The following SPOCK3 variants were observed in gnomAD, a reference collection of about 807,000 sequenced individuals.
The protein encoded by SPOCK3 is testican-3.
Under a neutral mutation model 56.6 loss-of-function variants are expected in SPOCK3, and 30 were observed. That is an observed-to-expected ratio of 0.53 (90% confidence interval 0.40 to 0.72). The LOEUF is 0.72. Ranked by LOEUF, SPOCK3 falls within the 30% of genes least tolerant of loss-of-function variation. The probability of loss-of-function intolerance (pLI) is 0.00; values close to 1 mark genes in which losing one functional copy is unlikely to be tolerated. For synonymous variants in SPOCK3, 196 were observed against 183.3 expected (o/e 1.07, Z -0.56); for missense variants, 527 against 530.0 (o/e 0.99, Z 0.06).
chr4:167,020,251 C>T (rs1751043087), intron 3 of SPOCK3, among the ~76,000 whole-genome samples: 1 of 152,058 alleles, frequency 6.6e-6, no homozygotes, highest in Admixed American at 6.6e-5. Flanking sequence ...AGTAATAAAA[C>T]ATTTTGTAAA....
At chr4:166,965,809 G>A (rs1744676162) in intron 4 of SPOCK3, among the ~76,000 whole-genome samples, 2 of 151,856 alleles carry the variant, frequency 1.3e-5, no homozygotes, top group African/African-American at 4.8e-5. Flanking sequence ...CCACTAGAGC[G>A]GTACATTTAT....
intron 6 of SPOCK3, among the ~76,000 whole-genome samples, chr4:166,800,874 G>C (rs1579267321): frequency 6.6e-6 from 1 of 152,086 alleles, no homozygotes; most frequent in East Asian, 1.9e-4. Flanking sequence ...CACTCACTCA[G>C]TGACACCCAG....
At chr4:166,786,955 A>T (rs190468650) in intron 7 of SPOCK3, among the ~76,000 whole-genome samples, 2 of 152,290 alleles carry the variant, frequency 1.3e-5, no homozygotes, top group African/African-American at 4.8e-5. Context: ...ACATGTTAGC[A>T]TCCTTTCTGC....
intron 4 of SPOCK3, among the ~76,000 whole-genome samples, chr4:166,938,469 T>TA (rs1031505616): frequency 2.5e-4 from 38 of 151,926 alleles, no homozygotes; most frequent in East Asian, 3.9e-4. Flanking sequence ...ATCAATCTGG[T>TA]AAAAAAAATG....
chr4:166,947,624 T>A, intron 4 of SPOCK3, among the ~76,000 whole-genome samples: 1 of 152,174 alleles, frequency 6.6e-6, no homozygotes, highest in Non-Finnish European at 1.5e-5. Context: ...TTTTTCCTGA[T>A]AAAACTCACC....
intron 7 of SPOCK3, among the ~76,000 whole-genome samples, chr4:166,767,484 T>G (rs1214275973): frequency 6.6e-6 from 1 of 152,138 alleles, no homozygotes; most frequent in Non-Finnish European, 1.5e-5. Flanking sequence ...TCAGTTTCCA[T>G]GTAGTTGAGT....
At chr4:166,862,312 A>G (rs1431665603) in intron 6 of SPOCK3, among the ~76,000 whole-genome samples, 1 of 151,890 alleles carries the variant, frequency 6.6e-6, no homozygotes, top group Non-Finnish European at 1.5e-5. Flanking sequence ...AGTCTTGGAA[A>G]GAAAAAAAAA....
At chr4:167,010,519 C>CAA (rs11408189) in intron 3 of SPOCK3, among the ~76,000 whole-genome samples, 1,186 of 109,296 alleles carry the variant, frequency 0.011, 23 homozygotes, top group South Asian at 0.032. Context: ...GACTCTGTCT[C>CAA]AAAAAAAAAA....
At chr4:167,222,999 AAT>A (rs1318672510) in intron 2 of SPOCK3, among the ~76,000 whole-genome samples, 3 of 126,122 alleles carry the variant, frequency 2.4e-5, no homozygotes, top group African/African-American at 3.1e-5. Context: ...TTTATATATG[AAT>A]ATATATTTTA....
Position 166,754,511 on chromosome 4 carries a change from G to T in SPOCK3, c.928C>A (p.Gln310Lys). The T allele has an allele frequency of 6.2e-7, 1 of 1,611,716 alleles. No individual in the cohort carries two copies. The highest frequency in any genetic ancestry group is 8.5e-7 in the Non-Finnish European group (1 of 1,178,636). ...CTGTAAGGGTCTCATCTTTTACCTTGCTGTCTCTGGAAGCAGTAGCACCAC... is the reference window on the plus strand; with the variant it reads ...CTGTAAGGGTCTCATCTTTTACCTTTCTGTCTCTGGAAGCAGTAGCACCAC... ...NEWCYCFQRQ[Q>K]DPPCQTELSN... The change falls in exon 8 of 11, where the codon CAA becomes AAA. Residue 310 changes from glutamine (Q) to lysine (K), a missense_variant. By Grantham distance (53) the Gln-to-Lys change is moderately conservative. Transcript: ENST00000357545.
At chr4:166,827,622 C>A (rs1745612522) in intron 6 of SPOCK3, among the ~76,000 whole-genome samples, 1 of 151,992 alleles carries the variant, frequency 6.6e-6, no homozygotes, top group Admixed American at 6.6e-5. Context: ...ACAGCAAAAA[C>A]AACTATAACA....
rs1454138063 is a variant in SPOCK3 at position 166,767,157 on chromosome 4, T to G, written c.710-12428A>C. On this transcript the variant is annotated intron_variant, in intron 7 of 10. Transcript: ENST00000357545. ...AAAACCAGCTTCTGGATTCATTGAT[T>G]TTTTGAAGGGTTTTTTGTGTCTCTA... 6.6e-5 allele frequency among the ~76,000 whole-genome samples: 10 copies of G among 152,206 alleles called. No individual in the cohort carries two copies. The East Asian group carries it at 1.7e-3, about 26-fold the overall frequency.
chr4:167,219,931 A>G (rs1384153325), intron 2 of SPOCK3, among the ~76,000 whole-genome samples: 1 of 152,174 alleles, frequency 6.6e-6, no homozygotes, highest in African/African-American at 2.4e-5. Context: ...TTCAAAATAT[A>G]TGTAGACAAC....
intron 4 of SPOCK3, among the ~76,000 whole-genome samples, chr4:166,992,358 C>A (rs1380651239): frequency 1.3e-5 from 2 of 152,112 alleles, no homozygotes; most frequent in Admixed American, 6.6e-5. Flanking sequence ...ACTGACATCA[C>A]CTATGTATAA....
intron 3 of SPOCK3, among the ~76,000 whole-genome samples, chr4:167,027,918 C>T (rs924859354): frequency 6.6e-6 from 1 of 151,800 alleles, no homozygotes; most frequent in South Asian, 2.1e-4. Flanking sequence ...ATCAACTGTA[C>T]CTAAGTTTTG....
intron 6 of SPOCK3, among the ~76,000 whole-genome samples, chr4:166,802,958 G>A (rs1483315887): frequency 1.3e-5 from 2 of 152,146 alleles, no homozygotes; most frequent in African/African-American, 4.8e-5. Context: ...TAGAGGGACA[G>A]ATTTGGAGTA....
At chr4:166,946,022 T>C (rs1428545525) in intron 4 of SPOCK3, among the ~76,000 whole-genome samples, 1 of 90,340 alleles carries the variant, frequency 1.1e-5, no homozygotes, top group East Asian at 4.7e-4. Flanking sequence ...CTGCAAAACT[T>C]CTTGCATTTT....
At chr4:167,114,562 T>A (rs1035676950) in intron 2 of SPOCK3, among the ~76,000 whole-genome samples, 2 of 152,102 alleles carry the variant, frequency 1.3e-5, no homozygotes, top group African/African-American at 4.8e-5. Flanking sequence ...TTATGAGGAA[T>A]CCAGTATGGA....
intron 3 of SPOCK3, among the ~76,000 whole-genome samples, chr4:167,003,631 C>T (rs1247593620): frequency 2.6e-5 from 4 of 152,140 alleles, no homozygotes; most frequent in Non-Finnish European, 2.9e-5. Context: ...TCTTCTGTTC[C>T]GCATGATTGT....
Sources: gnomAD v4.1 joint callset for allele counts (sites outside exome capture counted in the v4.1 genomes callset) on GRCh38, gnomAD v4.1.1 for gene constraint, MANE v1.5 for transcripts, NCBI Gene and HGNC (gene_info 2026-07-23, HGNC 2026-07-21) for gene names.